The following ATOH8 variants were observed in gnomAD, a reference collection of about 807,000 sequenced individuals.
The protein encoded by ATOH8 is transcription factor ATOH8.
A neutral mutation model predicts 21.2 loss-of-function variants in ATOH8; 9 were observed. The observed-to-expected ratio is 0.42, with a 90% CI of 0.26 to 0.74. ATOH8 has a LOEUF of 0.74. Ranked by LOEUF, ATOH8 falls within the 30% of genes least tolerant of loss-of-function variation. The pLI, the probability that ATOH8 is intolerant of heterozygous loss-of-function variation, is 0.24. For missense variants in ATOH8, 524 were observed against 470.9 expected, an observed-to-expected ratio of 1.11 and a Z score of -1.04; for synonymous variants, 253 against 224.0, an observed-to-expected ratio of 1.13 and a Z score of -1.16.
At chr2:85,757,964 T>G (rs915958052) in intron 1 of ATOH8, among the ~76,000 whole-genome samples, 5 of 152,044 alleles carry the variant, frequency 3.3e-5, no homozygotes, top group East Asian at 3.9e-4. Flanking sequence ...TTTTTGTATT[T>G]TAGTAGGGAT....
At chr2:85,771,773 T>C (rs1404206469) in intron 2 of ATOH8, among the ~76,000 whole-genome samples, 2 of 152,184 alleles carry the variant, frequency 1.3e-5, no homozygotes, top group Non-Finnish European at 1.5e-5. Flanking sequence ...GTGAGTGCCA[T>C]TGTGTCCCCT....
chr2:85,754,508 G>A lies in ATOH8; in HGVS notation c.319G>A (p.Ala107Thr), dbSNP rs982791872. The A allele has an allele frequency of 1.8e-5, 25 of 1,428,104 alleles. No homozygotes were observed. The highest frequency in any genetic ancestry group is 3.0e-5 in the African/African-American group (2 of 66,186). 88.5% of individuals were successfully genotyped at this position (1,428,104 alleles called of 1,614,324 possible). ...CTCTCGGGCGCCCGAGGTCTCCGAC[G>A]CGCGGAAACGCTGCTTCGCCCTAGG... ...GGSRAPEVSD[A>T]RKRCFALGAV... The change falls in exon 1 of 3, where the codon GCG becomes ACG. Residue 107 changes from alanine (A) to threonine (T), a missense_variant. Coordinates refer to ENST00000306279, the MANE Select transcript of ATOH8 (RefSeq NM_032827.7).
chr2:85,775,234 G>T, intron 2 of ATOH8: 2 of 985,242 alleles, frequency 2.0e-6, no homozygotes, highest in Non-Finnish European at 2.4e-6. Flanking sequence ...CTTTCTCTTT[G>T]TGTCCTGTCT....
intron 1 of ATOH8, 108 bp downstream of exon 1, chr2:85,755,065 C>A: frequency 1.4e-6 from 2 of 1,396,142 alleles, no homozygotes; most frequent in Non-Finnish European, 1.9e-6. Flanking sequence ...CAAGCTGCCC[C>A]GCCCGGTCCG....
chr2:85,754,862 A>C lies in ATOH8; in HGVS notation c.673A>C (p.Lys225Gln). 6.2e-7 allele frequency: 1 copy of C among 1,612,224 alleles called. No homozygotes were observed. Among genetic ancestry groups the C allele is most frequent in the South Asian group, 1.1e-5 (1 of 91,088 alleles). The change falls in exon 1 of 3, where the codon AAA becomes CAA. Residue 225 changes from lysine (K) to glutamine (Q), a missense_variant. By Grantham distance (53) the Lys-to-Gln change is moderately conservative (BLOSUM62 1). Transcript: ENST00000306279. ...AGCGACTGCCGCCTCCTCCGAGATC[A>C]AAGCCCTGCAGCAGACCCGGAGGCT... ...GEATAASSEI[K>Q]ALQQTRRLLA... is the part of the protein sequence containing the mutation.
At chr2:85,770,294 GC>G (rs1680145772) in intron 2 of ATOH8, among the ~76,000 whole-genome samples, 1 of 152,186 alleles carries the variant, frequency 6.6e-6, no homozygotes, top group Non-Finnish European at 1.5e-5. Flanking sequence ...TGTGCCCCCA[GC>G]TCCTACTGCT....
intron 2 of ATOH8, among the ~76,000 whole-genome samples, chr2:85,776,409 G>C (rs865961654): frequency 6.6e-6 from 1 of 152,220 alleles, no homozygotes; most frequent in Admixed American, 6.5e-5. Flanking sequence ...AGGAGCGTTT[G>C]AGGAAATGAG....
rs762770781 is a variant in ATOH8 at position 85,777,107 on chromosome 2, ACT to A, written c.961-9775_961-9774del. 1.4e-4 allele frequency among the ~76,000 whole-genome samples: 22 copies of A among 152,298 alleles called. No individual in the cohort carries two copies. The East Asian group carries it at 3.7e-3, about 25-fold the overall frequency. On this transcript the variant is annotated intron_variant, in intron 2 of 2. Transcript: ENST00000306279. ...TAAGAATAAATCGCCCTGAGTGTTTACTCTGTGTCAGGTACTGTTCTAGTGCT... is the reference window on the plus strand; with the variant it reads ...TAAGAATAAATCGCCCTGAGTGTTTACTGTGTCAGGTACTGTTCTAGTGCT...
chr2:85,767,504 A>G (rs895169201), intron 2 of ATOH8, among the ~76,000 whole-genome samples: 2 of 147,750 alleles, frequency 1.4e-5, no homozygotes, highest in African/African-American at 2.5e-5. Flanking sequence ...ACATGTGACT[A>G]CTGTAGGGGT....
Position 85,754,940 on chromosome 2 carries a change from G to C in ATOH8, c.751G>C (p.Glu251Gln). 1.3e-6 allele frequency: 2 copies of C among 1,596,816 alleles called. No individual in the cohort carries two copies. Among genetic ancestry groups the C allele is most frequent in the Non-Finnish European group, 1.7e-6 (2 of 1,175,254 alleles). The change falls in exon 1 of 3, where the codon GAG becomes CAG. Residue 251 changes from glutamate to glutamine, a missense_variant. Glu to Gln is a conservative substitution (Grantham distance 29). Coordinates refer to ENST00000306279, the MANE Select transcript of ATOH8 (RefSeq NM_032827.7). ...TRVHTISAAF[E>Q]ALRKQVPCYS... is the part of the protein sequence containing the mutation. ...GGTGCACACCATCAGCGCAGCCTTCGAGGCGCTCAGGAAGCAGGTACCCGC... is the reference window on the plus strand; with the variant it reads ...GGTGCACACCATCAGCGCAGCCTTCCAGGCGCTCAGGAAGCAGGTACCCGC...
At chr2:85,757,648 G>A (rs1019490160) in intron 1 of ATOH8, among the ~76,000 whole-genome samples, 25 of 152,084 alleles carry the variant, frequency 1.6e-4, no homozygotes, top group African/African-American at 5.8e-4. Context: ...GTGTGGCTGT[G>A]GACAAGTCAC....
chr2:85,789,919 GT>G lies in ATOH8; in HGVS notation c.*3030del. On this transcript the variant is annotated 3_prime_UTR_variant, in exon 3 of 3. Coordinates refer to ENST00000306279, the MANE Select transcript of ATOH8 (RefSeq NM_032827.7). ...AGCTTCCTCTCCAGCACAGCAACTT[GT>G]GTTCGTATGCACACACATGCATACT... Among the ~76,000 whole-genome samples, 1 of 151,988 alleles carries G rather than the reference GT, an allele frequency of 6.6e-6. No individual in the cohort carries two copies. Among genetic ancestry groups the G allele is most frequent in the Middle Eastern group, 3.2e-3 (1 of 316 alleles).
At chr2:85,772,647 G>A (rs773801116) in intron 2 of ATOH8, 16 of 452,300 alleles carry the variant, frequency 3.5e-5, no homozygotes, top group East Asian at 1.4e-4. Flanking sequence ...ATACAACAGC[G>A]CGAGCAGCTG....
chr2:85,772,327 G>T (rs113610046), intron 2 of ATOH8, among the ~76,000 whole-genome samples: 1 of 152,222 alleles, frequency 6.6e-6, no homozygotes, highest in African/African-American at 2.4e-5. Context: ...CTGTGGTTTT[G>T]ATTAGCTGTT....
Position 85,785,843 on chromosome 2 carries a change from G to A in ATOH8, c.961-1042G>A, listed in dbSNP as rs1413840490. 1.3e-5 allele frequency among the ~76,000 whole-genome samples: 2 copies of A among 152,200 alleles called. No homozygotes were observed. The highest frequency in any genetic ancestry group is 6.5e-5 in the Admixed American group (1 of 15,284). On this transcript the variant is annotated intron_variant, in intron 2 of 2. Coordinates refer to ENST00000306279, the MANE Select transcript of ATOH8 (RefSeq NM_032827.7). This position sits in a 1 kb window ranked among gnomAD's most constrained non-coding sequence, Gnocchi z 4.1. ...TACTTATTAATAGCTGTTGGTTGAG[G>A]GTTGGAGCACGAATCAAAAGGGTGT...
intron 2 of ATOH8, among the ~76,000 whole-genome samples, chr2:85,772,458 G>T (rs1680211724): frequency 6.6e-6 from 1 of 152,048 alleles, no homozygotes; most frequent in African/African-American, 2.4e-5. Flanking sequence ...AGCGCTCGCT[G>T]GGAAGGCCTG....
intron 1 of ATOH8, among the ~76,000 whole-genome samples, chr2:85,756,715 T>G (rs1210949793): frequency 6.6e-6 from 1 of 152,188 alleles, no homozygotes; most frequent in Admixed American, 6.5e-5. Context: ...GGCCCAGAGA[T>G]GGAAGGAGAC....
chr2:85,769,223 A>G (rs1036862994), intron 2 of ATOH8, among the ~76,000 whole-genome samples: 2 of 152,218 alleles, frequency 1.3e-5, no homozygotes, highest in Non-Finnish European at 2.9e-5. Flanking sequence ...CTACAACAAC[A>G]GCTACTCAAA....
At chr2:85,775,180 A>G (rs1048084) in intron 2 of ATOH8, 465,590 of 968,772 alleles carry the variant, frequency 0.48, 112,503 homozygotes, top group Admixed American at 0.61. Flanking sequence ...TATGTTACAC[A>G]GTGTTGGATT....
Sources: allele counts gnomAD v4.1 joint callset (sites outside exome capture counted in the v4.1 genomes callset), GRCh38; gene constraint gnomAD v4.1.1; non-coding constraint Gnocchi (gnomAD v3.1); transcripts MANE v1.5; gene names NCBI Gene and HGNC (gene_info 2026-07-23, HGNC 2026-07-21).